The following ROS1 variants were observed in gnomAD, a reference collection of about 807,000 sequenced individuals.
The protein encoded by ROS1 is ROS proto-oncogene 1, receptor tyrosine kinase.
ROS1 carries 263 observed loss-of-function variants against 273.5 expected under a neutral mutation model. The observed-to-expected ratio is 0.96, with a 90% CI of 0.87 to 1.06. ROS1 has a LOEUF of 1.06. ROS1 is among the 50% of genes least tolerant of loss of function. The probability of loss-of-function intolerance (pLI) is 0.00; values close to 1 mark genes in which losing one functional copy is unlikely to be tolerated. For synonymous variants in ROS1, 1,008 were observed against 954.1 expected (o/e 1.06, Z -1.04); for missense variants, 2,833 against 2,751.1 (o/e 1.03, Z -0.67).
At position 117,366,094 on chromosome 6, in the gene ROS1, A is replaced by T; in HGVS notation, c.2779T>A (p.Ser927Thr). The T allele has an allele frequency of 1.2e-6, 2 of 1,613,860 alleles. No individual in the cohort carries two copies. Among genetic ancestry groups the T allele is most frequent in the Non-Finnish European group, 1.7e-6 (2 of 1,179,718 alleles). The change falls in exon 19 of 44, where the codon TCC becomes ACC. Residue 927 changes from serine to threonine, a missense_variant. Coordinates refer to ENST00000368507, the MANE Select transcript of ROS1 (RefSeq NM_001378902.1). ...RFNQFTIIQT[S>T]LKPLPGNFSF... is the part of the protein sequence containing the mutation. Reference sequence around the variant, plus strand: ...ACTGTACCTGGCAGGGGCTTAAGGGATGTCTGAATAATTGTGAACTGATTA... The same window carrying T: ...ACTGTACCTGGCAGGGGCTTAAGGGTTGTCTGAATAATTGTGAACTGATTA...
intron 42 of ROS1, among the ~76,000 whole-genome samples, chr6:117,307,541 A>C (rs1198055038): frequency 6.6e-6 from 1 of 152,068 alleles, no homozygotes; most frequent in Non-Finnish European, 1.5e-5. Flanking sequence ...ATAATTTCTT[A>C]TCCTTAATTT....
intron 22 of ROS1, among the ~76,000 whole-genome samples, chr6:117,362,226 G>T (rs1339001213): frequency 6.6e-6 from 1 of 151,988 alleles, no homozygotes; most frequent in Non-Finnish European, 1.5e-5. Context: ...CTCTACTTTT[G>T]CTGCCCACTT....
chr6:117,355,950 C>A (rs910503250), intron 26 of ROS1, among the ~76,000 whole-genome samples: 39 of 152,242 alleles, frequency 2.6e-4, no homozygotes, highest in African/African-American at 8.4e-4. Flanking sequence ...CCACATGTGG[C>A]TAGTGATTAC....
chr6:117,314,223 A>G (rs759592473), intron 39 of ROS1, among the ~76,000 whole-genome samples: 21 of 152,164 alleles, frequency 1.4e-4, no homozygotes, highest in Non-Finnish European at 1.0e-4. Context: ...ACATGGCAGT[A>G]TAGTGAAAAT....
chr6:117,365,841 A>C (rs2128661492), intron 19 of ROS1, 100 bp from the exon 20 acceptor site: 1 of 1,035,594 alleles, frequency 9.7e-7, no homozygotes, highest in South Asian at 1.8e-5. Flanking sequence ...AATAATTAGA[A>C]CTGAAACAAA....
At chr6:117,360,062 C>A (rs1161649483) in intron 23 of ROS1, 51 bp from the exon 24 acceptor site, 3 of 1,444,052 alleles carry the variant, frequency 2.1e-6, no homozygotes, top group South Asian at 1.2e-5. Flanking sequence ...CTGACTTTAG[C>A]TTAGCAAAGT....
At chr6:117,395,284 A>C (rs1773401892) in intron 9 of ROS1, among the ~76,000 whole-genome samples, 1 of 152,204 alleles carries the variant, frequency 6.6e-6, no homozygotes, top group African/African-American at 2.4e-5. Flanking sequence ...GTATTTAATG[A>C]ATGTTATGCA....
intron 1 of ROS1, among the ~76,000 whole-genome samples, chr6:117,422,592 ATAC>A (rs1775842093): frequency 6.6e-6 from 1 of 152,162 alleles, no homozygotes; most frequent in Non-Finnish European, 1.5e-5. Flanking sequence ...ATATATTGAT[ATAC>A]AAGACAATTT....
At chr6:117,383,571 T>G (rs1772330234) in intron 16 of ROS1, 63 bp from the exon 17 acceptor site, 3 of 1,223,948 alleles carry the variant, frequency 2.5e-6, no homozygotes, top group South Asian at 1.2e-5. Flanking sequence ...TTCTGAATAT[T>G]TATTGCAATC....
intron 27 of ROS1, among the ~76,000 whole-genome samples, chr6:117,350,802 C>G (rs933589103): frequency 1.1e-4 from 16 of 151,764 alleles, no homozygotes; most frequent in Middle Eastern, 3.4e-3. Context: ...TCAAACATTC[C>G]TCACATGTTA....
chr6:117,389,807 T>G lies in ROS1; in HGVS notation c.1329A>C (p.Ala443=). 1 of 1,612,924 alleles carries G rather than the reference T, an allele frequency of 6.2e-7. No individual in the cohort carries two copies. The highest frequency in any genetic ancestry group is 8.5e-7 in the Non-Finnish European group (1 of 1,179,010). The change falls in exon 13 of 44, where the codon GCA becomes GCC. Residue 443 remains alanine, a synonymous_variant. Transcript: ENST00000368507. ...ACCGGCCAGATGGTACAGGAAGGTC[T>G]GCTCTATAAATGCCATCTCTCAGGA... ...FYLLRDGIYR[A]DLPVPSGRCA...
intron 39 of ROS1, among the ~76,000 whole-genome samples, chr6:117,313,529 C>T (rs680920): frequency 0.094 from 14,223 of 151,058 alleles, 857 homozygotes; most frequent in Middle Eastern, 0.14. Flanking sequence ...GCCAAGATCA[C>T]GCCACTGCAC....
intron 39 of ROS1, 117 bp from the exon 40 acceptor site, chr6:117,311,234 T>C: frequency 2.1e-6 from 1 of 472,788 alleles, no homozygotes. Flanking sequence ...TATCTGATGT[T>C]TTAAAGGGAT....
intron 15 of ROS1, among the ~76,000 whole-genome samples, chr6:117,386,454 C>A (rs1582813319): frequency 6.6e-6 from 1 of 152,358 alleles, no homozygotes; most frequent in East Asian, 1.9e-4. Flanking sequence ...GCAAATTACC[C>A]ATTCATTACT....
chr6:117,388,034 T>C (rs185334662), intron 13 of ROS1, 42 bp from the exon 14 acceptor site: 4 of 1,612,238 alleles, frequency 2.5e-6, no homozygotes, highest in Admixed American at 1.7e-5. Context: ...CAGGATGACA[T>C]CTGCAAGGGC....
intron 35 of ROS1, among the ~76,000 whole-genome samples, chr6:117,322,966 G>A (rs1776381714): frequency 6.6e-6 from 1 of 152,156 alleles, no homozygotes; most frequent in Non-Finnish European, 1.5e-5. Flanking sequence ...CAATGGTGAT[G>A]TACAAGAAAG....
In ROS1 at chr6:117,310,111, T is replaced by A. The variant is rs376507701; in HGVS notation, c.6386A>T (p.Asp2129Val). ...VRWMAPESLM[D>V]GIFTTQSDVW... ...ATCAGATTGAGTAGTGAAGATTCCA[T>A]CCATCAAACTTTCTGGAGCCATCCA... is the stretch of plus-strand genomic sequence containing the variant. Residue 2129 changes from aspartate to valine, a missense_variant, in exon 41 of 44, where the codon GAT (aspartate) becomes GTT (valine). Transcript: ENST00000368507. 1 of 1,613,460 alleles carries A rather than the reference T, an allele frequency of 6.2e-7. No individual in the cohort carries two copies. The highest frequency in any genetic ancestry group is 8.5e-7 in the Non-Finnish European group (1 of 1,179,572).
intron 34 of ROS1, 45 bp from the exon 35 acceptor site, chr6:117,324,460 C>A (rs2128575364): frequency 1.1e-6 from 1 of 936,424 alleles, no homozygotes. Context: ...TAGATAAAAG[C>A]TAAGTTGCCC....
At chr6:117,289,155 C>G (rs1371774338) in intron 43 of ROS1, among the ~76,000 whole-genome samples, 1 of 152,214 alleles carries the variant, frequency 6.6e-6, no homozygotes, top group African/African-American at 2.4e-5. Flanking sequence ...TGTGATAGGA[C>G]TTAATTGGCC....
Sources: allele counts gnomAD v4.1 joint callset (sites outside exome capture counted in the v4.1 genomes callset), GRCh38; gene constraint gnomAD v4.1.1; transcripts MANE v1.5; gene names NCBI Gene and HGNC (gene_info 2026-07-23, HGNC 2026-07-21).